Variants in SNRPN observed in about 807,000 individuals in gnomAD.
SNRPN encodes the protein small nuclear ribonucleoprotein-associated protein N.
A neutral mutation model predicts 25.2 loss-of-function variants in SNRPN; 7 were observed. The ratio of observed to expected loss-of-function variants is 0.28; its 90% CI spans 0.16 to 0.52. The LOEUF (loss-of-function observed/expected upper bound fraction) is 0.52, where lower values mean the gene tolerates loss of function less well. Ranked by LOEUF, SNRPN falls within the 20% of genes least tolerant of loss-of-function variation. The pLI is 0.96. For missense variants in SNRPN, 196 were observed against 322.5 expected, an observed-to-expected ratio of 0.61 and a Z score of 3.00; for synonymous variants, 124 against 110.6, an observed-to-expected ratio of 1.12 and a Z score of -0.76.
At chr15:24,924,352 C>T (rs1020169082) in intron 3 of SNRPN, among the ~76,000 whole-genome samples, 6 of 151,902 alleles carry the variant, frequency 3.9e-5, no homozygotes, top group South Asian at 2.1e-4. Context: ...AGGTAACAGC[C>T]GGTGACAAAG....
chr15:24,887,593 T>C (rs768967979), intron 2 of SNRPN, among the ~76,000 whole-genome samples: 5 of 152,106 alleles, frequency 3.3e-5, no homozygotes, highest in Non-Finnish European at 7.4e-5. Flanking sequence ...AGGTAAACAA[T>C]TTAGACAAAG....
chr15:24,894,392 G>C (rs1208008718), intron 2 of SNRPN, among the ~76,000 whole-genome samples: 1 of 152,042 alleles, frequency 6.6e-6, no homozygotes. Flanking sequence ...CTAATTTTTT[G>C]TATTTTTAGT....
chr15:24,870,188 C>G (rs1244577622), intron 1 of SNRPN, among the ~76,000 whole-genome samples: 1 of 152,044 alleles, frequency 6.6e-6, no homozygotes, highest in Non-Finnish European at 1.5e-5. Context: ...TATTTCGTGC[C>G]CAAGCCTGGT....
In SNRPN at chr15:24,872,859, G is replaced by A. The variant is rs535375453; in HGVS notation, c.-578-13657G>A. Among the ~76,000 whole-genome samples, 5 of 92,670 alleles carry A rather than the reference G, an allele frequency of 5.4e-5. No homozygotes were observed. The East Asian group carries it at 1.0e-3, about 18-fold the overall frequency. The allele number at this position is 92,670 out of a possible 152,430, so 60.8% of individuals were successfully genotyped here. On this transcript the variant is annotated intron_variant, in intron 1 of 11. Transcript: ENST00000400097. ...TGCACTCCAGCCTGGGTGACAGAGCGAGACTCCGTCTCAAAAAAAAAAAAA... is the reference window on the plus strand; with the variant it reads ...TGCACTCCAGCCTGGGTGACAGAGCAAGACTCCGTCTCAAAAAAAAAAAAA...
chr15:24,906,883 A>T (rs1157494817), intron 2 of SNRPN, among the ~76,000 whole-genome samples: 1 of 152,008 alleles, frequency 6.6e-6, no homozygotes, highest in Non-Finnish European at 1.5e-5. Flanking sequence ...ATTTTGCAGG[A>T]TCTGCTGTCC....
chr15:24,930,668 G>T (rs965795485), intron 3 of SNRPN, among the ~76,000 whole-genome samples: 1 of 151,602 alleles, frequency 6.6e-6, no homozygotes, highest in African/African-American at 2.4e-5. Context: ...TTGGGAGGCC[G>T]GGCCGGGTGG....
chr15:24,968,104 A>G (rs960811178), intron 3 of SNRPN, 22 bp downstream of exon 3: 2 of 1,334,946 alleles, frequency 1.5e-6, no homozygotes, highest in African/African-American at 2.9e-5. Flanking sequence ...TGCAGCAATG[A>G]TCAAGAATAA....
At position 24,896,818 on chromosome 15, in the gene SNRPN, C is replaced by A. The variant is rs572408676; in HGVS notation, c.-505+10229C>A. On this transcript the variant is annotated intron_variant, in intron 2 of 11. Transcript: ENST00000400097. ...AAGCAAGCTGCCATGAATTCTATAG[C>A]CATTGTAAAATGAATTCTGCCAACA... Among the ~76,000 whole-genome samples, 9 of 152,256 alleles carry A rather than the reference C, an allele frequency of 5.9e-5. No individual in the cohort carries two copies. In the East Asian group the frequency reaches 1.5e-3, roughly 26 times the overall value.
Position 24,976,890 on chromosome 15 carries a change from G to A in SNRPN, c.281G>A (p.Arg94Gln). ...GPPPKDTGIA[R>Q]VPLAGAAGGP... ...TTCTTGTTTCAGACTGGCATTGCTC[G>A]GGTACCACTTGCTGGAGCTGCTGGA... Residue 94 changes from arginine to glutamine, a missense_variant, in exon 7 of 10, where the codon CGG becomes CAG. Arg to Gln is a conservative substitution (Grantham distance 43). Transcript: ENST00000390687. The A allele has an allele frequency of 1.2e-6, 2 of 1,608,130 alleles. No individual in the cohort carries two copies. The highest frequency in any genetic ancestry group is 1.7e-6 in the Non-Finnish European group (2 of 1,178,436).
chr15:24,943,441 G>C (rs1409378608), intron 3 of SNRPN, among the ~76,000 whole-genome samples: 1 of 152,114 alleles, frequency 6.6e-6, no homozygotes, highest in Non-Finnish European at 1.5e-5. Flanking sequence ...CTGGGATAGA[G>C]AAAGCAGTGT....
At chr15:24,926,925 C>T (rs182901371) in intron 3 of SNRPN, among the ~76,000 whole-genome samples, 16 of 152,060 alleles carry the variant, frequency 1.1e-4, no homozygotes, top group Middle Eastern at 3.4e-3. Flanking sequence ...GCAGGAGGAT[C>T]GCTTGGGTAC....
In SNRPN at chr15:24,978,564, A is replaced by G. The variant is rs1305336990; in HGVS notation, c.*120A>G. 8 of 919,248 alleles carry G rather than the reference A, an allele frequency of 8.7e-6. No homozygotes were observed. The highest frequency in any genetic ancestry group is 7.2e-5 in the Admixed American group (4 of 55,228). 56.9% of individuals were successfully genotyped at this position (919,248 alleles called of 1,614,324 possible). ...ATTAATAATAGCTAATAATAAATGC[A>G]TAGAGCAATTAAACTGTGAGGTACT... On this transcript the variant is annotated 3_prime_UTR_variant, in exon 10 of 10. Transcript: ENST00000390687.
At chr15:24,955,916 T>C (rs1306895197) in intron 1 of SNRPN, among the ~76,000 whole-genome samples, 9 of 151,726 alleles carry the variant, frequency 5.9e-5, no homozygotes, top group African/African-American at 2.2e-4. Context: ...CGCTGAATGA[T>C]TGCTGTGTAG....
At chr15:24,853,480 G>T (rs34318108), upstream of SNRPN, among the ~76,000 whole-genome samples, 1 of 151,106 alleles carries the variant, frequency 6.6e-6, no homozygotes, top group Admixed American at 6.6e-5. Context: ...TGCAAGCTCC[G>T]CCTCCCAGGT....
At chr15:24,903,849 G>T (rs932450222) in intron 2 of SNRPN, among the ~76,000 whole-genome samples, 1 of 152,022 alleles carries the variant, frequency 6.6e-6, no homozygotes, top group Non-Finnish European at 1.5e-5. Context: ...CTTGGGCAAT[G>T]TGGATAAACC....
intron 3 of SNRPN, among the ~76,000 whole-genome samples, chr15:24,939,223 G>T (rs964865772): frequency 2.6e-5 from 4 of 151,918 alleles, no homozygotes; most frequent in Non-Finnish European, 5.9e-5. Context: ...AATTCCTCTG[G>T]TCTTCACCAT....
chr15:24,862,573 G>A lies in SNRPN; in HGVS notation c.-579+5857G>A, dbSNP rs867581232. 5.9e-5 allele frequency among the ~76,000 whole-genome samples: 9 copies of A among 151,284 alleles called. No individual in the cohort carries two copies. The Middle Eastern group carries it at 0.027, about 461-fold the overall frequency. On this transcript the variant is annotated intron_variant, in intron 1 of 11. Transcript: ENST00000400097. ...AAAAAACAAAATCTTCTGTGTTGCT[G>A]TTTGTCCACTGCATGTGTGGGGCTC...
At chr15:24,934,746 G>C (rs1423940156) in intron 3 of SNRPN, among the ~76,000 whole-genome samples, 1 of 152,048 alleles carries the variant, frequency 6.6e-6, no homozygotes, top group South Asian at 2.1e-4. Flanking sequence ...TGGTAGAGAC[G>C]GGGTTTCACC....
Position 24,898,160 on chromosome 15 carries a change from G to GA in SNRPN, c.-505+11579dup, listed in dbSNP as rs984269059. On this transcript the variant is annotated intron_variant, in intron 2 of 11. Transcript: ENST00000400097. ...ATGAATCTTGTGGGAGAAGCACTTG[G>GA]AAAAAAAACAAAAACAAAAACAAAA... Among the ~76,000 whole-genome samples the GA allele has an allele frequency of 2.2e-3, 325 of 150,828 alleles. 2 individuals carry two copies. Among genetic ancestry groups the GA allele is most frequent in the African/African-American group, 7.5e-3 (306 of 41,038 alleles).
Sources: gnomAD v4.1 joint callset for allele counts (sites outside exome capture counted in the v4.1 genomes callset) on GRCh38, gnomAD v4.1.1 for gene constraint, MANE v1.5 for transcripts, NCBI Gene and HGNC (gene_info 2026-07-23, HGNC 2026-07-21) for gene names.